The following ARHGAP44 variants were observed in gnomAD, a reference collection of about 807,000 sequenced individuals.
ARHGAP44 encodes Rho GTPase activating protein 44.
In ARHGAP44, 43 loss-of-function variants were observed where a neutral mutation model predicts 106.8. The ratio of observed to expected loss-of-function variants is 0.40; its 90% CI spans 0.32 to 0.52. The LOEUF (loss-of-function observed/expected upper bound fraction) is 0.52, where lower values mean the gene tolerates loss of function less well. Ranked by LOEUF, ARHGAP44 falls within the 20% of genes least tolerant of loss-of-function variation. The pLI is 0.48. For missense variants in ARHGAP44, 866 were observed against 1,050.5 expected (o/e 0.82, Z 2.43); for synonymous variants, 439 against 410.3 (o/e 1.07, Z -0.85).
At chr17:12,937,054 T>C (rs2038569152) in intron 7 of ARHGAP44, among the ~76,000 whole-genome samples, 1 of 152,192 alleles carries the variant, frequency 6.6e-6, no homozygotes, top group South Asian at 2.1e-4. Flanking sequence ...ATGATCGGTC[T>C]CTTTCTTTTG....
intron 16 of ARHGAP44, among the ~76,000 whole-genome samples, chr17:12,970,101 CAAT>C (rs1404919734): frequency 2.0e-5 from 3 of 152,270 alleles, no homozygotes; most frequent in Non-Finnish European, 4.4e-5. Flanking sequence ...CTGTGCATCT[CAAT>C]GATGAGCAGT....
chr17:12,856,929 A>C lies in ARHGAP44; in HGVS notation c.54-38011A>C, dbSNP rs186362180. 1.3e-3 allele frequency among the ~76,000 whole-genome samples: 200 copies of C among 152,248 alleles called. 1 individual carries two copies. The highest frequency in any genetic ancestry group is 4.7e-3 in the African/African-American group (195 of 41,544). On this transcript the variant is annotated intron_variant, in intron 1 of 20. Coordinates refer to ENST00000379672, the MANE Select transcript of ARHGAP44 (RefSeq NM_014859.6). ...TCCCTGTCCTTTCCCACATTTTGAGATTTACTTTCTGTAGTTTGTATTCTG... is the reference window on the plus strand; with the variant it reads ...TCCCTGTCCTTTCCCACATTTTGAGCTTTACTTTCTGTAGTTTGTATTCTG...
At position 12,789,565 on chromosome 17, in the gene ARHGAP44, GCGGGCCGGTGCCGAGGA is replaced by G. The variant is rs2033662745; in HGVS notation, c.-270_-254del. 4.2e-6 allele frequency: 1 copy of G among 236,330 alleles called. No homozygotes were observed. Among genetic ancestry groups the G allele is most frequent in the Non-Finnish European group, 8.1e-6 (1 of 122,822 alleles). The allele number at this position is 236,330 out of a possible 1,614,324, so 14.6% of individuals were successfully genotyped here. ...ACTGGGAGCAGGCAGCCCGGGCGGAGCGGGCCGGTGCCGAGGACGGCCCCAGGCATTGCTCTGCCCCG... is the reference window on the plus strand; with the variant it reads ...ACTGGGAGCAGGCAGCCCGGGCGGAGCGGCCCCAGGCATTGCTCTGCCCCG... On this transcript the variant is annotated 5_prime_UTR_variant, in exon 1 of 21. Coordinates refer to ENST00000379672, the MANE Select transcript of ARHGAP44 (RefSeq NM_014859.6).
chr17:12,840,731 T>G (rs187109839), intron 1 of ARHGAP44, among the ~76,000 whole-genome samples: 16 of 152,250 alleles, frequency 1.1e-4, no homozygotes, highest in African/African-American at 3.8e-4. Context: ...AGGTGCCCCA[T>G]GTAAAGAGCG....
At chr17:12,977,093 T>C (rs2039702738) in intron 18 of ARHGAP44, among the ~76,000 whole-genome samples, 1 of 150,240 alleles carries the variant, frequency 6.7e-6, no homozygotes, top group Non-Finnish European at 1.5e-5. Flanking sequence ...GCAGAGTTAC[T>C]TGTGGGCAGG....
Position 12,915,040 on chromosome 17 carries a change from T to A in ARHGAP44, c.276-860T>A, listed in dbSNP as rs532458343. 2.0e-5 allele frequency among the ~76,000 whole-genome samples: 3 copies of A among 151,158 alleles called. No individual in the cohort carries two copies. In the South Asian group the frequency reaches 6.7e-4, roughly 34 times the overall value. ...TTGTTGACTTGTAAAAGCTTTTTTGTTTGTTTATGTGTTTTTGAGACAGGG... is the reference window on the plus strand; with the variant it reads ...TTGTTGACTTGTAAAAGCTTTTTTGATTGTTTATGTGTTTTTGAGACAGGG... On this transcript the variant is annotated intron_variant, in intron 4 of 20. Transcript: ENST00000379672.
At chr17:12,802,580 T>G (rs1313770860) in intron 1 of ARHGAP44, among the ~76,000 whole-genome samples, 1 of 151,714 alleles carries the variant, frequency 6.6e-6, no homozygotes, top group Non-Finnish European at 1.5e-5. Context: ...AAAAGGAAAA[T>G]CAGACTCTTG....
At chr17:12,813,113 CTA>C (rs1484734576) in intron 1 of ARHGAP44, among the ~76,000 whole-genome samples, 3 of 152,136 alleles carry the variant, frequency 2.0e-5, no homozygotes, top group Non-Finnish European at 4.4e-5. Flanking sequence ...CCTGCCCACG[CTA>C]TGTTTTATGT....
intron 4 of ARHGAP44, 49 bp downstream of exon 4, chr17:12,909,022 C>A: frequency 6.6e-7 from 1 of 1,506,312 alleles, no homozygotes; most frequent in South Asian, 1.3e-5. Context: ...AGTAAGTCCC[C>A]ATCCGTGAAA....
intron 1 of ARHGAP44, among the ~76,000 whole-genome samples, chr17:12,795,606 C>T (rs2033895429): frequency 6.6e-6 from 1 of 151,116 alleles, no homozygotes; most frequent in African/African-American, 2.4e-5. Context: ...TACAAATATA[C>T]TGGTAATTTA....
At chr17:12,846,294 T>C (rs1334837059) in intron 1 of ARHGAP44, among the ~76,000 whole-genome samples, 1 of 152,198 alleles carries the variant, frequency 6.6e-6, no homozygotes, top group Non-Finnish European at 1.5e-5. Context: ...ATTTAAAGTA[T>C]AAGCATTTCC....
chr17:12,872,313 T>C (rs998426109), intron 1 of ARHGAP44, among the ~76,000 whole-genome samples: 4 of 152,222 alleles, frequency 2.6e-5, no homozygotes, highest in Non-Finnish European at 5.9e-5. Flanking sequence ...AATTCTAATT[T>C]GGTTAGTCTG....
chr17:12,815,726 C>T (rs2034579369), intron 1 of ARHGAP44, among the ~76,000 whole-genome samples: 1 of 152,092 alleles, frequency 6.6e-6, no homozygotes, highest in Admixed American at 6.5e-5. Flanking sequence ...AACAACATGA[C>T]AAGAATTGAA....
At chr17:12,889,014 ATCCAT>A (rs2036963368) in intron 1 of ARHGAP44, among the ~76,000 whole-genome samples, 1 of 152,106 alleles carries the variant, frequency 6.6e-6, no homozygotes, top group African/African-American at 2.4e-5. Context: ...ATATTTTTAA[ATCCAT>A]TCTTCTAGTT....
chr17:12,827,859 T>G (rs1001129905), intron 1 of ARHGAP44, among the ~76,000 whole-genome samples: 1 of 151,850 alleles, frequency 6.6e-6, no homozygotes, highest in Non-Finnish European at 1.5e-5. Flanking sequence ...GCCAACATGG[T>G]GAAACCCCAT....
intron 18 of ARHGAP44, among the ~76,000 whole-genome samples, chr17:12,978,389 A>C (rs1217499218): frequency 6.6e-6 from 1 of 152,240 alleles, no homozygotes; most frequent in African/African-American, 2.4e-5. Flanking sequence ...GTTCCTCTGA[A>C]TAAAATGGTT....
In ARHGAP44 at chr17:12,956,765, G is replaced by T. The variant is rs2039136332; in HGVS notation, c.1342+19G>T. 1 of 1,606,592 alleles carries T rather than the reference G, an allele frequency of 6.2e-7. No individual in the cohort carries two copies. Among genetic ancestry groups the T allele is most frequent in the Non-Finnish European group, 8.5e-7 (1 of 1,173,456 alleles). ...CCTGGGGGTAGGTGACAGCACCTAGGTGTGGGGGCAAGAGGCAGGGAACAG... is the reference window on the plus strand; with the variant it reads ...CCTGGGGGTAGGTGACAGCACCTAGTTGTGGGGGCAAGAGGCAGGGAACAG... On this transcript the variant is annotated intron_variant, in intron 15 of 20. Coordinates refer to ENST00000379672, the MANE Select transcript of ARHGAP44 (RefSeq NM_014859.6).
At chr17:12,806,235 A>T (rs1018128251) in intron 1 of ARHGAP44, among the ~76,000 whole-genome samples, 4 of 152,152 alleles carry the variant, frequency 2.6e-5, no homozygotes, top group African/African-American at 9.7e-5. Context: ...GTTTGGTTGT[A>T]GTGGGGGCTT....
chr17:12,851,553 C>T (rs976478244), intron 1 of ARHGAP44, among the ~76,000 whole-genome samples: 2 of 152,026 alleles, frequency 1.3e-5, no homozygotes, highest in African/African-American at 4.8e-5. Context: ...CCACAACCTC[C>T]GTCCGGTTGT....
Sources: gnomAD v4.1 joint callset for allele counts (sites outside exome capture counted in the v4.1 genomes callset) on GRCh38, gnomAD v4.1.1 for gene constraint, MANE v1.5 for transcripts, NCBI Gene and HGNC (gene_info 2026-07-23, HGNC 2026-07-21) for gene names.